The following RAB3B variants were observed in gnomAD, a reference collection of about 807,000 sequenced individuals.
RAB3B encodes the protein RAB3B, member RAS oncogene family, also known as ras-related protein Rab-3B.
RAB3B carries 11 observed loss-of-function variants against 20.5 expected under a neutral mutation model. The observed-to-expected ratio is 0.54, with a 90% CI of 0.34 to 0.89. The LOEUF is 0.89. Among genes scored for constraint, RAB3B ranks in the 40% least tolerant of loss-of-function variants. RAB3B has a pLI of 0.02. For synonymous variants in RAB3B, 99 were observed against 106.3 expected, an observed-to-expected ratio of 0.93 and a Z score of 0.42; for missense variants, 225 against 280.9, an observed-to-expected ratio of 0.80 and a Z score of 1.42.
intron 2 of RAB3B, among the ~76,000 whole-genome samples, chr1:51,969,497 G>A (rs982865656): frequency 1.3e-5 from 2 of 152,190 alleles, no homozygotes; most frequent in African/African-American, 2.4e-5. Context: ...ATAGCCAGCG[G>A]CCCACGTTGG....
chr1:51,970,776 C>G (rs1011418029), intron 2 of RAB3B, among the ~76,000 whole-genome samples: 1 of 151,416 alleles, frequency 6.6e-6, no homozygotes, highest in Non-Finnish European at 1.5e-5. Flanking sequence ...GAGGCCGAGG[C>G]GGGCAGATCA....
intron 2 of RAB3B, among the ~76,000 whole-genome samples, chr1:51,938,048 G>T (rs1211149256): frequency 4.2e-5 from 6 of 142,692 alleles, no homozygotes; most frequent in Non-Finnish European, 1.5e-5. Context: ...TGTTGCCCAG[G>T]CTGAGAGCCC....
chr1:51,947,704 A>G (rs534285519), intron 2 of RAB3B, among the ~76,000 whole-genome samples: 19 of 152,194 alleles, frequency 1.2e-4, no homozygotes, highest in Admixed American at 5.9e-4. Flanking sequence ...TTTCTGCTCT[A>G]TATCTCTGTT....
At chr1:51,971,281 A>G (rs2124304138) in intron 2 of RAB3B, among the ~76,000 whole-genome samples, 1 of 151,942 alleles carries the variant, frequency 6.6e-6, no homozygotes, top group Middle Eastern at 3.4e-3. Flanking sequence ...AGTGATATGT[A>G]TAAACACACA....
intron 4 of RAB3B, among the ~76,000 whole-genome samples, chr1:51,928,956 T>C (rs1684285568): frequency 6.6e-6 from 1 of 152,238 alleles, no homozygotes; most frequent in Non-Finnish European, 1.5e-5. Flanking sequence ...CACTTCTTCA[T>C]AGCACTTGTG....
chr1:51,935,738 G>C (rs1216585200), intron 3 of RAB3B, among the ~76,000 whole-genome samples: 1 of 152,068 alleles, frequency 6.6e-6, no homozygotes, highest in Admixed American at 6.6e-5. Context: ...AGAAGAGGAG[G>C]AGCAGGGAGA....
intron 2 of RAB3B, among the ~76,000 whole-genome samples, chr1:51,953,630 G>A (rs1171588882): frequency 2.6e-5 from 4 of 152,086 alleles, no homozygotes; most frequent in African/African-American, 7.2e-5. Context: ...ATACTAACAC[G>A]TCTCTACTAA....
chr1:51,934,080 T>C (rs181091956), intron 3 of RAB3B, among the ~76,000 whole-genome samples: 17 of 152,328 alleles, frequency 1.1e-4, no homozygotes, highest in Admixed American at 8.5e-4. Flanking sequence ...TTGATCACAA[T>C]GAATCTTTTC....
chr1:51,982,470 A>G (rs1034734764), intron 1 of RAB3B, among the ~76,000 whole-genome samples: 1 of 152,062 alleles, frequency 6.6e-6, no homozygotes, highest in Non-Finnish European at 1.5e-5. Context: ...AAAAGAGTCT[A>G]TGGCTGGGCA....
intron 2 of RAB3B, among the ~76,000 whole-genome samples, chr1:51,972,540 G>C (rs544271354): frequency 9.1e-5 from 12 of 132,154 alleles, no homozygotes; most frequent in African/African-American, 3.5e-4. Flanking sequence ...CAGTGTGCTT[G>C]TATTTGGAGA....
chr1:51,987,813 C>T (rs954600399), intron 1 of RAB3B, among the ~76,000 whole-genome samples: 3 of 152,184 alleles, frequency 2.0e-5, no homozygotes, highest in Admixed American at 1.3e-4. Context: ...GTGGAACCCA[C>T]CTAGACTAAA....
Position 51,936,800 on chromosome 1 carries a change from TTTTCTTTTCTTTTC to T in RAB3B, c.347+480_347+493del, listed in dbSNP as rs1684410290. Among the ~76,000 whole-genome samples, 3 of 151,390 alleles carry T rather than the reference TTTTCTTTTCTTTTC, an allele frequency of 2.0e-5. No individual in the cohort carries two copies. In the South Asian group the frequency reaches 6.3e-4, roughly 32 times the overall value. Reference sequence around the variant, plus strand: ...GCTTCATCACTGCACCTAGCACACATTTTCTTTTCTTTTCTTTCTTTTTTTTTTTTTAAGATAGA... The same window carrying T: ...GCTTCATCACTGCACCTAGCACACATTTTCTTTTTTTTTTTTTAAGATAGA... On this transcript the variant is annotated intron_variant, in intron 3 of 4. Coordinates refer to ENST00000371655, the MANE Select transcript of RAB3B (RefSeq NM_002867.4).
At chr1:51,930,300 A>G (rs1227289324) in intron 4 of RAB3B, among the ~76,000 whole-genome samples, 1 of 152,244 alleles carries the variant, frequency 6.6e-6, no homozygotes, top group East Asian at 1.9e-4. Context: ...AGTATTGGAC[A>G]TGCTCTATAG....
chr1:51,961,343 C>T (rs1684781245), intron 2 of RAB3B, among the ~76,000 whole-genome samples: 1 of 152,086 alleles, frequency 6.6e-6, no homozygotes, highest in Non-Finnish European at 1.5e-5. Flanking sequence ...ATAACACCTC[C>T]GTTTCTGAGA....
chr1:51,960,390 A>T (rs377499972), intron 2 of RAB3B, among the ~76,000 whole-genome samples: 3 of 152,330 alleles, frequency 2.0e-5, no homozygotes, highest in Admixed American at 6.5e-5. Flanking sequence ...CCTCCCAGCC[A>T]TCTGGGCCTC....
At chr1:51,939,428 T>G (rs1324232217) in intron 2 of RAB3B, among the ~76,000 whole-genome samples, 1 of 152,130 alleles carries the variant, frequency 6.6e-6, no homozygotes, top group Non-Finnish European at 1.5e-5. Context: ...CTGGGACTTT[T>G]TTTTTTTAAG....
chr1:51,976,667 A>G (rs1685013593), intron 2 of RAB3B, among the ~76,000 whole-genome samples: 1 of 152,226 alleles, frequency 6.6e-6, no homozygotes. Flanking sequence ...ACAAGCCAAC[A>G]TAAAACCTCC....
At chr1:51,950,448 A>G (rs1416369024) in intron 2 of RAB3B, among the ~76,000 whole-genome samples, 2 of 152,232 alleles carry the variant, frequency 1.3e-5, no homozygotes, top group Non-Finnish European at 2.9e-5. Context: ...CCTGCCACAT[A>G]CTAGGAACTT....
chr1:51,985,756 T>C (rs2124321855), intron 1 of RAB3B, among the ~76,000 whole-genome samples: 1 of 152,136 alleles, frequency 6.6e-6, no homozygotes, highest in African/African-American at 2.4e-5. Flanking sequence ...CCTGCCTTTA[T>C]TAGCTGTGAC....
Sources: gnomAD v4.1 joint callset for allele counts (sites outside exome capture counted in the v4.1 genomes callset) on GRCh38, gnomAD v4.1.1 for gene constraint, MANE v1.5 for transcripts, NCBI Gene and HGNC (gene_info 2026-07-23, HGNC 2026-07-21) for gene names.